Variants in RAB38 observed in about 807,000 individuals in gnomAD.
RAB38 encodes the protein ras-related protein Rab-38.
A neutral mutation model predicts 18.4 loss-of-function variants in RAB38; 15 were observed. That is an observed-to-expected ratio of 0.82 (90% CI 0.55 to 1.26). RAB38 has a LOEUF of 1.26. RAB38 is among the 50% of genes most tolerant of loss of function. The pLI is 0.00. For missense variants in RAB38, 294 were observed against 267.4 expected (o/e 1.10, Z -0.69); for synonymous variants, 101 against 104.4 (o/e 0.97, Z 0.20).
chr11:87,825,311 G>C, the RAB38 span, among the ~76,000 whole-genome samples: 1 of 152,172 alleles, frequency 6.6e-6, no homozygotes, highest in Non-Finnish European at 1.5e-5. Flanking sequence ...TAGGGATGCT[G>C]TGTTAGTTTG....
the RAB38 span, among the ~76,000 whole-genome samples, chr11:88,020,240 T>A: frequency 4.0e-5 from 6 of 151,872 alleles, no homozygotes; most frequent in African/African-American, 1.5e-4. Flanking sequence ...GAGACACACA[T>A]AGACTGAAAA....
the RAB38 span, among the ~76,000 whole-genome samples, chr11:88,020,670 GATT>G: frequency 4.2e-4 from 64 of 152,118 alleles, no homozygotes; most frequent in African/African-American, 1.5e-3. Context: ...TCAGCACATG[GATT>G]ATTCCCTTGA....
chr11:88,145,134 C>T (rs1942965908), intron 2 of RAB38, among the ~76,000 whole-genome samples: 1 of 151,812 alleles, frequency 6.6e-6, no homozygotes, highest in Non-Finnish European at 1.5e-5. Flanking sequence ...GCCCCACATA[C>T]ATTATTTATC....
At chr11:87,861,944 A>G in the RAB38 span, among the ~76,000 whole-genome samples, 1 of 151,988 alleles carries the variant, frequency 6.6e-6, no homozygotes, top group South Asian at 2.1e-4. Context: ...AGAGAAATGC[A>G]AATCAAAACC....
At chr11:88,116,074 C>T (rs542471167) in intron 2 of RAB38, among the ~76,000 whole-genome samples, 1 of 152,296 alleles carries the variant, frequency 6.6e-6, no homozygotes, top group South Asian at 2.1e-4. Context: ...ATGTCTTCTG[C>T]CACTCTTCCT....
the RAB38 span, among the ~76,000 whole-genome samples, chr11:87,835,344 G>A: frequency 6.6e-6 from 1 of 152,098 alleles, no homozygotes; most frequent in Non-Finnish European, 1.5e-5. Flanking sequence ...TGTGGTCACT[G>A]CCAGTCTGGA....
At chr11:87,860,612 T>G in the RAB38 span, among the ~76,000 whole-genome samples, 1 of 151,920 alleles carries the variant, frequency 6.6e-6, no homozygotes, top group East Asian at 1.9e-4. Flanking sequence ...GAAACCTTTG[T>G]AAATAGAAAG....
At chr11:87,955,560 C>G in the RAB38 span, among the ~76,000 whole-genome samples, 2 of 152,114 alleles carry the variant, frequency 1.3e-5, no homozygotes, top group African/African-American at 2.4e-5. Flanking sequence ...CCTATAGACT[C>G]TTTTGTTTAA....
the RAB38 span, among the ~76,000 whole-genome samples, chr11:87,830,043 T>G: frequency 6.6e-6 from 1 of 152,178 alleles, no homozygotes; most frequent in Non-Finnish European, 1.5e-5. Context: ...TTGAATCAAT[T>G]TTCTGATTTT....
At chr11:88,038,716 A>G in the RAB38 span, among the ~76,000 whole-genome samples, 9 of 152,208 alleles carry the variant, frequency 5.9e-5, no homozygotes, top group African/African-American at 1.7e-4. Context: ...TACGAATTAT[A>G]TATCTGCAAA....
chr11:87,910,881 C>T, the RAB38 span, among the ~76,000 whole-genome samples: 2 of 152,022 alleles, frequency 1.3e-5, no homozygotes, highest in Non-Finnish European at 2.9e-5. Flanking sequence ...GTGATCCAGC[C>T]CACCTCATCC....
chr11:88,026,463 T>C, the RAB38 span, among the ~76,000 whole-genome samples: 1 of 144,918 alleles, frequency 6.9e-6, no homozygotes, highest in Admixed American at 7.3e-5. Context: ...CTCAGGAGGC[T>C]GAGGCAGGAG....
chr11:87,843,246 A>C, the RAB38 span, among the ~76,000 whole-genome samples: 2 of 152,216 alleles, frequency 1.3e-5, no homozygotes, highest in African/African-American at 4.8e-5. Context: ...CCTAGTCTAC[A>C]TATGTTCCAA....
the RAB38 span, among the ~76,000 whole-genome samples, chr11:87,934,792 G>A: frequency 6.6e-6 from 1 of 152,078 alleles, no homozygotes; most frequent in Non-Finnish European, 1.5e-5. Flanking sequence ...CAAAGGTTTG[G>A]TTTAAAATAC....
the RAB38 span, among the ~76,000 whole-genome samples, chr11:87,906,116 A>G: frequency 6.6e-6 from 1 of 151,952 alleles, no homozygotes; most frequent in Non-Finnish European, 1.5e-5. Context: ...TTTCATATAC[A>G]TATTTGTTTA....
chr11:88,120,227 T>C (rs1185216082), intron 2 of RAB38, among the ~76,000 whole-genome samples: 2 of 152,216 alleles, frequency 1.3e-5, no homozygotes, highest in Non-Finnish European at 2.9e-5. Flanking sequence ...ACTGCCCTCC[T>C]TTAACAGATG....
At chr11:87,952,213 G>T in the RAB38 span, among the ~76,000 whole-genome samples, 2 of 152,128 alleles carry the variant, frequency 1.3e-5, no homozygotes, top group African/African-American at 2.4e-5. Context: ...TTCTTTCCCT[G>T]TGTTACCTTT....
At chr11:88,174,361 C>T (rs1277877307) in intron 1 of RAB38, among the ~76,000 whole-genome samples, 1 of 152,122 alleles carries the variant, frequency 6.6e-6, no homozygotes, top group Non-Finnish European at 1.5e-5. Context: ...GAGTCAAAAT[C>T]TGATTTTAAA....
intron 1 of RAB38, among the ~76,000 whole-genome samples, chr11:88,160,582 G>C (rs774629458): frequency 2.0e-5 from 3 of 151,886 alleles, no homozygotes; most frequent in Admixed American, 6.6e-5. Flanking sequence ...AATCAACCTA[G>C]GTGCCCATCA....
Sources: allele counts gnomAD v4.1 joint callset (sites outside exome capture counted in the v4.1 genomes callset), GRCh38; gene constraint gnomAD v4.1.1; transcripts MANE v1.5; gene names NCBI Gene and HGNC (gene_info 2026-07-23, HGNC 2026-07-21).